Variants in LDLRAD4 observed in about 807,000 individuals in gnomAD.
LDLRAD4 encodes the protein low-density lipoprotein receptor class A domain-containing protein 4.
LDLRAD4 carries 5 observed loss-of-function variants against 17.0 expected under a neutral mutation model. The ratio of observed to expected loss-of-function variants is 0.29; its 90% CI spans 0.15 to 0.62. LDLRAD4 has a LOEUF of 0.62. LDLRAD4 is among the 20% of genes least tolerant of loss of function. LDLRAD4 has a pLI of 0.84. For missense variants in LDLRAD4, 340 were observed against 424.7 expected (o/e 0.80, Z 1.75); for synonymous variants, 168 against 171.8 (o/e 0.98, Z 0.17).
intron 1 of LDLRAD4, chr18:13,236,307 C>CTTTTTT (rs777785875): frequency 0.016 from 1,781 of 113,210 alleles, 92 homozygotes; most frequent in African/African-American, 0.047. Flanking sequence ...AATAGAAAAA[C>CTTTTTT]TTTTTTTTTT....
chr18:13,391,368 A>T (rs1234204227), intron 2 of LDLRAD4, among the ~76,000 whole-genome samples: 1 of 152,122 alleles, frequency 6.6e-6, no homozygotes, highest in East Asian at 1.9e-4. Context: ...AAGTACCATG[A>T]AGGGGGTGGG....
intron 1 of LDLRAD4, among the ~76,000 whole-genome samples, chr18:13,302,871 G>C (rs970815116): frequency 6.6e-6 from 1 of 152,218 alleles, no homozygotes; most frequent in African/African-American, 2.4e-5. Flanking sequence ...GTTACGTGCA[G>C]TTATGTTACA....
intron 2 of LDLRAD4, among the ~76,000 whole-genome samples, chr18:13,401,910 A>G (rs955536967): frequency 1.3e-5 from 2 of 151,788 alleles, no homozygotes; most frequent in African/African-American, 4.8e-5. Context: ...GCTGGAAGTT[A>G]CTCTCACGCT....
At chr18:13,370,716 T>TTTTTTTTGTTTG (rs2084419964) in intron 1 of LDLRAD4, among the ~76,000 whole-genome samples, 1 of 8,842 alleles carries the variant, frequency 1.1e-4, no homozygotes, top group South Asian at 4.5e-3. Flanking sequence ...TTGTTTTGTT[T>TTTTTTTTGTTTG]TTTTTTTTTT....
In LDLRAD4 at chr18:13,436,079, C is replaced by T. The variant is rs73406324; in HGVS notation, c.41-2165C>T. Among the ~76,000 whole-genome samples, 463 of 152,260 alleles carry T rather than the reference C, an allele frequency of 3.0e-3. 6 individuals carry two copies. The highest frequency in any genetic ancestry group is 0.01 in the African/African-American group (436 of 41,542). On this transcript the variant is annotated intron_variant, in intron 2 of 5. Transcript: ENST00000359446. The stretch of plus-strand genomic sequence containing the variant: ...TTTATTCAACAAATGTGTGATTCAC[C>T]GAGTGCCTGTCACAGGCTGGGCGGC...
intron 3 of LDLRAD4, among the ~76,000 whole-genome samples, chr18:13,512,672 A>G (rs935230706): frequency 6.6e-6 from 1 of 152,188 alleles, no homozygotes; most frequent in Admixed American, 6.5e-5. Context: ...ATTTGAGAAA[A>G]TTAGAGATTG....
At chr18:13,377,083 G>A (rs1005915069) in intron 1 of LDLRAD4, among the ~76,000 whole-genome samples, 3 of 152,172 alleles carry the variant, frequency 2.0e-5, no homozygotes, top group Non-Finnish European at 4.4e-5. Flanking sequence ...GCATCGAGTC[G>A]GGACTACCCG....
At chr18:13,639,165 A>G (rs1240015584) in intron 4 of LDLRAD4, among the ~76,000 whole-genome samples, 1 of 152,256 alleles carries the variant, frequency 6.6e-6, no homozygotes, top group East Asian at 1.9e-4. Context: ...AGCCAAGAAC[A>G]TCAGTGCCTT....
chr18:13,604,447 G>A (rs940543356), intron 3 of LDLRAD4, among the ~76,000 whole-genome samples: 13 of 152,198 alleles, frequency 8.5e-5, no homozygotes, highest in African/African-American at 2.7e-4. Context: ...GCAAGAATGC[G>A]TGACATTTGC....
intron 1 of LDLRAD4, among the ~76,000 whole-genome samples, chr18:13,256,733 G>GGT (rs528810247): frequency 6.6e-5 from 10 of 152,292 alleles, no homozygotes; most frequent in African/African-American, 2.2e-4. Context: ...CTGGTAAGCT[G>GGT]GTGTGTGTGC....
intron 3 of LDLRAD4, among the ~76,000 whole-genome samples, chr18:13,508,046 A>G (rs185127272): frequency 2.0e-5 from 3 of 149,460 alleles, no homozygotes; most frequent in Admixed American, 1.3e-4. Flanking sequence ...CACACAAATG[A>G]TAAGAAAGCA....
intron 1 of LDLRAD4, among the ~76,000 whole-genome samples, chr18:13,228,801 G>A (rs1354477313): frequency 3.9e-5 from 6 of 152,118 alleles, no homozygotes; most frequent in African/African-American, 2.4e-5. Flanking sequence ...CTGGGATTTT[G>A]CATTTTTTCA....
chr18:13,284,139 A>C (rs928070413), intron 1 of LDLRAD4, among the ~76,000 whole-genome samples: 4 of 152,148 alleles, frequency 2.6e-5, no homozygotes, highest in African/African-American at 9.7e-5. Flanking sequence ...GCATTGAGAA[A>C]ATCAGAAATG....
Position 13,324,958 on chromosome 18 carries a change from G to A in LDLRAD4, c.-383+46770G>A, listed in dbSNP as rs553993711. Among the ~76,000 whole-genome samples the A allele has an allele frequency of 5.3e-5, 8 of 152,256 alleles. No homozygotes were observed. The East Asian group carries it at 1.2e-3, about 22-fold the overall frequency. On this transcript the variant is annotated intron_variant, in intron 1 of 5. Coordinates refer to ENST00000359446, the Ensembl canonical transcript of LDLRAD4. ...GTAGAGGGACGTCAATTACGCATGC[G>A]TCTCTTGTTCAGTAAATCTGCATTT...
At chr18:13,284,336 T>C (rs1318038793) in intron 1 of LDLRAD4, among the ~76,000 whole-genome samples, 1 of 152,156 alleles carries the variant, frequency 6.6e-6, no homozygotes, top group Non-Finnish European at 1.5e-5. Context: ...TGTTGGATTC[T>C]GTCTTCTGTG....
chr18:13,553,314 C>A (rs2094452755), intron 3 of LDLRAD4, among the ~76,000 whole-genome samples: 1 of 152,188 alleles, frequency 6.6e-6, no homozygotes, highest in Admixed American at 6.5e-5. Flanking sequence ...GCAGAAGGAT[C>A]ATTTTGGTTG....
At chr18:13,567,767 A>G (rs960661451) in intron 3 of LDLRAD4, among the ~76,000 whole-genome samples, 3 of 151,636 alleles carry the variant, frequency 2.0e-5, no homozygotes, top group East Asian at 3.9e-4. Context: ...AAAAAAAAAT[A>G]GAATATTTGC....
intron 1 of LDLRAD4, among the ~76,000 whole-genome samples, chr18:13,258,116 A>G (rs1157658847): frequency 6.6e-6 from 1 of 152,218 alleles, no homozygotes; most frequent in African/African-American, 2.4e-5. Flanking sequence ...TAGATCTCCA[A>G]TATCTGGTTC....
At chr18:13,434,268 G>A (rs1210527831) in intron 2 of LDLRAD4, among the ~76,000 whole-genome samples, 1 of 147,812 alleles carries the variant, frequency 6.8e-6, no homozygotes, top group Non-Finnish European at 1.5e-5. Context: ...TTTTTAATAA[G>A]AAATCAAATA....
Sources: allele counts gnomAD v4.1 joint callset (sites outside exome capture counted in the v4.1 genomes callset), GRCh38; gene constraint gnomAD v4.1.1; transcripts MANE v1.5; gene names NCBI Gene and HGNC (gene_info 2026-07-23, HGNC 2026-07-21).